ROBO2: variants seen among roughly 807,000 people sequenced by gnomAD.
The protein encoded by ROBO2 is roundabout guidance receptor 2, also known as roundabout homolog 2.
A neutral mutation model predicts 160.8 loss-of-function variants in ROBO2; 53 were observed. That is an observed-to-expected ratio of 0.33 (90% CI 0.26 to 0.41). The LOEUF (loss-of-function observed/expected upper bound fraction) is 0.41, where lower values mean the gene tolerates loss of function less well. Among genes scored for constraint, ROBO2 ranks in the 10% least tolerant of loss-of-function variants. The pLI is 1.00. For synonymous variants in ROBO2, 664 were observed against 611.7 expected (o/e 1.09, Z -1.26); for missense variants, 1,577 against 1,722.4 (o/e 0.92, Z 1.49).
intron 2 of ROBO2, among the ~76,000 whole-genome samples, chr3:76,387,816 C>G (rs1295515258): frequency 6.6e-6 from 1 of 152,226 alleles, no homozygotes; most frequent in East Asian, 1.9e-4. Flanking sequence ...ATGTTTGTTG[C>G]ATACAGGGGA....
chr3:77,476,347 T>C (rs945915836), intron 2 of ROBO2, among the ~76,000 whole-genome samples: 1 of 151,060 alleles, frequency 6.6e-6, no homozygotes, highest in Non-Finnish European at 1.5e-5. Flanking sequence ...AACAGCTTGA[T>C]GTGTGCATGT....
At chr3:76,407,788 G>A (rs891541858) in intron 2 of ROBO2, among the ~76,000 whole-genome samples, 1 of 152,006 alleles carries the variant, frequency 6.6e-6, no homozygotes, top group Non-Finnish European at 1.5e-5. Context: ...GTTATAATCA[G>A]CAGAACCCTT....
chr3:76,744,044 TACA>T (rs2093845124), intron 2 of ROBO2, among the ~76,000 whole-genome samples: 1 of 152,080 alleles, frequency 6.6e-6, no homozygotes, highest in African/African-American at 2.4e-5. Context: ...TGACTTCACA[TACA>T]ACAATATGAA....
chr3:76,146,309 T>G (rs1379678482), intron 2 of ROBO2, among the ~76,000 whole-genome samples: 2 of 152,050 alleles, frequency 1.3e-5, no homozygotes, highest in African/African-American at 2.4e-5. Context: ...CCATCCCTTT[T>G]GTGGCTATTT....
At chr3:76,747,494 A>T (rs6797550) in intron 2 of ROBO2, among the ~76,000 whole-genome samples, 3 of 151,838 alleles carry the variant, frequency 2.0e-5, no homozygotes, top group African/African-American at 7.3e-5. Context: ...GGAAATTAGC[A>T]TTAATATCAT....
At chr3:76,852,934 G>T (rs2069567487) in intron 2 of ROBO2, among the ~76,000 whole-genome samples, 1 of 151,908 alleles carries the variant, frequency 6.6e-6, no homozygotes, top group Non-Finnish European at 1.5e-5. Context: ...ATACATAATT[G>T]CTTTTAAACA....
intron 4 of ROBO2, among the ~76,000 whole-genome samples, chr3:77,492,726 T>C (rs2086286220): frequency 6.6e-6 from 1 of 152,122 alleles, no homozygotes; most frequent in African/African-American, 2.4e-5. Flanking sequence ...GAATATTGAG[T>C]CCTTATCAAA....
chr3:75,932,944 A>C (rs1305946945), intron 1 of ROBO2, among the ~76,000 whole-genome samples: 3 of 152,164 alleles, frequency 2.0e-5, no homozygotes, highest in Non-Finnish European at 4.4e-5. Flanking sequence ...TGTTATATCT[A>C]TATATACAAT....
chr3:77,306,046 T>TC (rs2063071037), intron 2 of ROBO2, among the ~76,000 whole-genome samples: 2 of 152,166 alleles, frequency 1.3e-5, no homozygotes, highest in Admixed American at 1.3e-4. Flanking sequence ...ATTCTATTTT[T>TC]CCCCCTTCTT....
intron 21 of ROBO2, among the ~76,000 whole-genome samples, chr3:77,612,673 G>C (rs912553805): frequency 6.6e-6 from 1 of 152,134 alleles, no homozygotes. Context: ...CTGGCTAGGC[G>C]CGGTAGCTCA....
chr3:77,216,527 G>A (rs2084975376), intron 2 of ROBO2, among the ~76,000 whole-genome samples: 1 of 152,150 alleles, frequency 6.6e-6, no homozygotes, highest in Non-Finnish European at 1.5e-5. Context: ...TGCTTCCTGG[G>A]TGAGGCGATG....
intron 2 of ROBO2, among the ~76,000 whole-genome samples, chr3:76,517,191 G>T (rs566382035): frequency 6.6e-6 from 1 of 152,086 alleles, no homozygotes; most frequent in African/African-American, 2.4e-5. Context: ...ATATTTCAGT[G>T]CTTTTACCCA....
intron 1 of ROBO2, among the ~76,000 whole-genome samples, chr3:77,079,280 C>T (rs1331501317): frequency 1.3e-5 from 2 of 152,168 alleles, no homozygotes; most frequent in Admixed American, 6.5e-5. Flanking sequence ...ACTATTAATA[C>T]TTTGTGTTAT....
chr3:77,456,259 G>T (rs544707410), intron 2 of ROBO2, among the ~76,000 whole-genome samples: 7 of 152,198 alleles, frequency 4.6e-5, no homozygotes, highest in Non-Finnish European at 8.8e-5. Flanking sequence ...ATTAGCCATC[G>T]AAGATCCCAA....
chr3:76,521,045 CTT>C (rs58517740), intron 2 of ROBO2, among the ~76,000 whole-genome samples: 5 of 100,124 alleles, frequency 5.0e-5, no homozygotes, highest in African/African-American at 2.1e-4. Context: ...AAAATTGCTT[CTT>C]TTTTTTTTTT....
At chr3:76,079,366 G>A (rs1002494900) in intron 2 of ROBO2, among the ~76,000 whole-genome samples, 1 of 151,814 alleles carries the variant, frequency 6.6e-6, no homozygotes, top group Middle Eastern at 3.2e-3. Flanking sequence ...ACCCTCATTT[G>A]ATCATTAAAC....
At chr3:76,691,198 G>A (rs542196812) in intron 2 of ROBO2, among the ~76,000 whole-genome samples, 1 of 152,152 alleles carries the variant, frequency 6.6e-6, no homozygotes, top group Admixed American at 6.6e-5. Flanking sequence ...CCTAACAAAG[G>A]AATAAGTTCG....
At chr3:76,854,022 C>A (rs1242338576) in intron 2 of ROBO2, among the ~76,000 whole-genome samples, 2 of 10,264 alleles carry the variant, frequency 1.9e-4, no homozygotes, top group Non-Finnish European at 3.7e-4. Context: ...TAGACTTTCT[C>A]TCTCTCTCTC....
At chr3:75,959,272 C>T (rs904849531) in intron 2 of ROBO2, among the ~76,000 whole-genome samples, 6 of 151,438 alleles carry the variant, frequency 4.0e-5, no homozygotes, top group East Asian at 2.0e-4. Flanking sequence ...TATTCCCATA[C>T]GTGTTAAAAT....
Sources: gnomAD v4.1 joint callset for allele counts (sites outside exome capture counted in the v4.1 genomes callset) on GRCh38, gnomAD v4.1.1 for gene constraint, MANE v1.5 for transcripts, NCBI Gene and HGNC (gene_info 2026-07-23, HGNC 2026-07-21) for gene names.